TDRD5: variants seen among roughly 807,000 people sequenced by gnomAD.
TDRD5 encodes the protein tudor domain-containing protein 5.
In TDRD5, 41 loss-of-function variants were observed where a neutral mutation model predicts 120.6. The observed-to-expected ratio is 0.34, with a 90% CI of 0.26 to 0.44. The LOEUF (loss-of-function observed/expected upper bound fraction) is 0.44. TDRD5 is among the 20% of genes least tolerant of loss of function. The pLI is 1.00. For missense variants in TDRD5, 1,006 were observed against 1,221.2 expected (o/e 0.82, Z 2.63); for synonymous variants, 430 against 433.7 (o/e 0.99, Z 0.11).
chr1:179,679,561 A>G (rs2147803629), intron 17 of TDRD5, among the ~76,000 whole-genome samples: 1 of 152,244 alleles, frequency 6.6e-6, no homozygotes, highest in East Asian at 1.9e-4. Flanking sequence ...AAGGTTATTG[A>G]TGATCAATTT....
chr1:179,591,686 G>C, upstream of TDRD5: 1 of 152,328 alleles, frequency 6.6e-6, no homozygotes, highest in African/African-American at 2.4e-5. Flanking sequence ...TCTGCAGCCG[G>C]GCCCAGCGGC....
chr1:179,611,766 T>G (rs1051847568), intron 4 of TDRD5, among the ~76,000 whole-genome samples: 1 of 152,178 alleles, frequency 6.6e-6, no homozygotes, highest in Non-Finnish European at 1.5e-5. Context: ...GCAGATACAC[T>G]TTCTTCTATC....
intron 14 of TDRD5, among the ~76,000 whole-genome samples, chr1:179,658,072 G>C (rs2102084379): frequency 6.6e-6 from 1 of 152,242 alleles, no homozygotes; most frequent in African/African-American, 2.4e-5. Context: ...ATGTAAGTGA[G>C]ATCATGTGTT....
At chr1:179,672,706 C>T (rs1171810425) in intron 17 of TDRD5, among the ~76,000 whole-genome samples, 1 of 152,012 alleles carries the variant, frequency 6.6e-6, no homozygotes. Context: ...CAATGTTATA[C>T]TCTAGAATTT....
chr1:179,602,271 CATT>C (rs1243469617), intron 4 of TDRD5, among the ~76,000 whole-genome samples: 1 of 152,166 alleles, frequency 6.6e-6, no homozygotes, highest in Non-Finnish European at 1.5e-5. Context: ...GGTAGTATCT[CATT>C]GTGGTTTTGA....
chr1:179,638,933 T>C lies in TDRD5; in HGVS notation c.1521-906T>C, dbSNP rs1267210481. 5.9e-5 allele frequency among the ~76,000 whole-genome samples: 9 copies of C among 152,074 alleles called. 3 individuals carry two copies. The highest frequency in any genetic ancestry group is 1.2e-4 in the Non-Finnish European group (8 of 68,024). On this transcript the variant is annotated intron_variant, in intron 9 of 17. Coordinates refer to ENST00000444136, the MANE Select transcript of TDRD5 (RefSeq NM_001199085.3). ...AAACCTGAATGACCATTTACCCAGT[T>C]AAAATTTGGGGGACTCTGTTGCTAG...
Position 179,650,519 on chromosome 1 carries a change from A to C in TDRD5, c.1801-348A>C, listed in dbSNP as rs150169673. On this transcript the variant is annotated intron_variant, in intron 11 of 17. Transcript: ENST00000444136. The stretch of plus-strand genomic sequence containing the variant: ...GCCTGATAATTTGTTCAAGCTTGTC[A>C]GTTCTTTGATACCTTTTGGATATAT... Among the ~76,000 whole-genome samples, 336 of 151,736 alleles carry C rather than the reference A, an allele frequency of 2.2e-3. 6 individuals are homozygous for C. The highest frequency in any genetic ancestry group is 7.7e-3 in the African/African-American group (318 of 41,390).
At chr1:179,665,629 C>T (rs1438998852) in intron 16 of TDRD5, among the ~76,000 whole-genome samples, 2 of 152,130 alleles carry the variant, frequency 1.3e-5, no homozygotes, top group African/African-American at 2.4e-5. Context: ...GTCTTGATTA[C>T]TCTAGCTATT....
chr1:179,687,216 G>T (rs938328598), intron 17 of TDRD5, among the ~76,000 whole-genome samples: 8 of 152,208 alleles, frequency 5.3e-5, no homozygotes, highest in African/African-American at 1.9e-4. Context: ...TGCTTTAAAT[G>T]TGTCCCAGAG....
At chr1:179,608,082 T>C (rs1163240287) in intron 4 of TDRD5, among the ~76,000 whole-genome samples, 1 of 152,036 alleles carries the variant, frequency 6.6e-6, no homozygotes, top group African/African-American at 2.4e-5. Context: ...TGATAGTTTT[T>C]GCCCCCTTTT....
At chr1:179,596,174 CTG>C (rs1675382755) in intron 4 of TDRD5, among the ~76,000 whole-genome samples, 1 of 152,184 alleles carries the variant, frequency 6.6e-6, no homozygotes, top group Non-Finnish European at 1.5e-5. Flanking sequence ...TGGTATTTTT[CTG>C]TGACTGTAAT....
At chr1:179,685,862 G>A (rs537042726) in intron 17 of TDRD5, among the ~76,000 whole-genome samples, 7 of 152,206 alleles carry the variant, frequency 4.6e-5, no homozygotes, top group African/African-American at 1.4e-4. Context: ...TTGGTGTATA[G>A]TAATGCTTGT....
At position 179,690,461 on chromosome 1, in the gene TDRD5, T is replaced by C. The variant is rs574594536; in HGVS notation, c.2861-235T>C. On this transcript the variant is annotated intron_variant, in intron 17 of 17. Transcript: ENST00000444136. Reference sequence around the variant, plus strand: ...CGTTGTTCATGGTATATTTTCCCTCTCTCACTTACCTTCATCCTGACAAGA... The same window carrying C: ...CGTTGTTCATGGTATATTTTCCCTCCCTCACTTACCTTCATCCTGACAAGA... Among the ~76,000 whole-genome samples the C allele has an allele frequency of 3.3e-5, 5 of 152,356 alleles. No homozygotes were observed. In the East Asian group the frequency reaches 7.7e-4, roughly 24 times the overall value.
chr1:179,628,147 G>A (rs1449751359), intron 6 of TDRD5, among the ~76,000 whole-genome samples: 2 of 152,036 alleles, frequency 1.3e-5, no homozygotes, highest in African/African-American at 4.8e-5. Context: ...TGTTTGTACT[G>A]CAAGATTGTC....
intron 17 of TDRD5, among the ~76,000 whole-genome samples, chr1:179,679,660 T>C (rs1416924552): frequency 6.6e-6 from 1 of 152,110 alleles, no homozygotes; most frequent in Non-Finnish European, 1.5e-5. Flanking sequence ...AATTTTCATA[T>C]TATTCCCTTA....
intron 17 of TDRD5, among the ~76,000 whole-genome samples, chr1:179,676,858 G>A (rs999797895): frequency 6.6e-6 from 1 of 152,142 alleles, no homozygotes; most frequent in Admixed American, 6.5e-5. Context: ...AATTTCCCAG[G>A]TGTTCTTTGA....
At chr1:179,608,142 A>G (rs539329578) in intron 4 of TDRD5, among the ~76,000 whole-genome samples, 93 of 152,010 alleles carry the variant, frequency 6.1e-4, no homozygotes, top group South Asian at 1.0e-3. Flanking sequence ...GTTTCTGACA[A>G]TGTCTGTAAT....
In TDRD5 at chr1:179,651,943, A is replaced by G. The variant is rs1009216575; in HGVS notation, c.2002-96A>G. The G allele has an allele frequency of 6.1e-6, 8 of 1,307,328 alleles. 1 individual carries two copies. The South Asian group carries it at 7.9e-5, about 13-fold the overall frequency. 81.0% of individuals were successfully genotyped at this position (1,307,328 alleles called of 1,614,324 possible). ...AAATAAATAAAATTTGGAAGATAATATACTTCCATAGCATTTGAAAGTTAT... is the reference window on the plus strand; with the variant it reads ...AAATAAATAAAATTTGGAAGATAATGTACTTCCATAGCATTTGAAAGTTAT... On this transcript the variant is annotated intron_variant, in intron 12 of 17. Transcript: ENST00000444136.
intron 15 of TDRD5, 83 bp downstream of exon 15, chr1:179,662,369 G>C: frequency 1.4e-6 from 2 of 1,449,466 alleles, no homozygotes; most frequent in Non-Finnish European, 1.8e-6. Context: ...GGGAGGCCAA[G>C]GTGGGTGGAT....
Sources: allele counts gnomAD v4.1 joint callset (sites outside exome capture counted in the v4.1 genomes callset), GRCh38; gene constraint gnomAD v4.1.1; transcripts MANE v1.5; gene names NCBI Gene and HGNC (gene_info 2026-07-23, HGNC 2026-07-21).